The following LHFPL5 variants were observed in gnomAD, a reference collection of about 807,000 sequenced individuals.
The protein encoded by LHFPL5 is LHFPL tetraspan subfamily member 5 protein.
A neutral mutation model predicts 18.7 loss-of-function variants in LHFPL5; 12 were observed. That is an observed-to-expected ratio of 0.64 (90% confidence interval 0.41 to 1.04). LHFPL5 has a LOEUF of 1.04. LHFPL5 is among the 50% of genes least tolerant of loss of function. The probability of loss-of-function intolerance (pLI) is 0.00; values close to 1 mark genes in which losing one functional copy is unlikely to be tolerated. For missense variants in LHFPL5, 259 were observed against 292.1 expected (o/e 0.89, Z 0.83); for synonymous variants, 111 against 120.2 (o/e 0.92, Z 0.50).
intron 3 of LHFPL5, among the ~76,000 whole-genome samples, chr6:35,822,765 G>A (rs1219558450): frequency 6.6e-6 from 1 of 152,140 alleles, no homozygotes; most frequent in Non-Finnish European, 1.5e-5. Context: ...GGGATTACAG[G>A]TGTGAGCCCA....
intron 1 of LHFPL5, among the ~76,000 whole-genome samples, chr6:35,809,875 A>T (rs1266035248): frequency 1.3e-5 from 2 of 152,230 alleles, no homozygotes; most frequent in Non-Finnish European, 2.9e-5. Flanking sequence ...CGATACATGT[A>T]TACAAGCTGG....
At chr6:35,816,177 C>CAAA (rs60374883) in intron 2 of LHFPL5, among the ~76,000 whole-genome samples, 13 of 60,568 alleles carry the variant, frequency 2.1e-4, no homozygotes, top group South Asian at 5.4e-4. Context: ...GACTCCGTCT[C>CAAA]AAAAAAAAAA....
At chr6:35,813,216 C>T (rs1768697725) in intron 1 of LHFPL5, among the ~76,000 whole-genome samples, 1 of 151,386 alleles carries the variant, frequency 6.6e-6, no homozygotes, top group Admixed American at 6.6e-5. Flanking sequence ...ATTATTGAAC[C>T]CAACCATGAC....
chr6:35,812,863 T>C (rs748542991), intron 1 of LHFPL5, among the ~76,000 whole-genome samples: 6 of 152,132 alleles, frequency 3.9e-5, no homozygotes, highest in Non-Finnish European at 7.4e-5. Context: ...AAGACCAACC[T>C]GGCCAACGTG....
chr6:35,819,685 T>G, intron 3 of LHFPL5: 1 of 566,064 alleles, frequency 1.8e-6, no homozygotes, highest in Non-Finnish European at 3.2e-6. Flanking sequence ...CCTGTGTCTT[T>G]TTTTTTTTTG....
intron 1 of LHFPL5, among the ~76,000 whole-genome samples, chr6:35,813,826 C>T (rs545814629): frequency 3.9e-5 from 4 of 101,988 alleles, no homozygotes; most frequent in Admixed American, 1.5e-4. Flanking sequence ...GACGGAGTTT[C>T]GCTCTTGTTG....
At chr6:35,821,777 G>A (rs116028967) in intron 3 of LHFPL5, among the ~76,000 whole-genome samples, 1,670 of 150,450 alleles carry the variant, frequency 0.011, 31 homozygotes, top group African/African-American at 0.038. Flanking sequence ...CACCGTGCTC[G>A]GCTCCCTTTT....
intron 1 of LHFPL5, among the ~76,000 whole-genome samples, chr6:35,807,694 A>G (rs777663135): frequency 6.6e-6 from 1 of 152,164 alleles, no homozygotes; most frequent in Non-Finnish European, 1.5e-5. Flanking sequence ...CCCCCCAACT[A>G]TAGATGAGGA....
At chr6:35,809,062 G>A (rs985922869) in intron 1 of LHFPL5, among the ~76,000 whole-genome samples, 1 of 152,114 alleles carries the variant, frequency 6.6e-6, no homozygotes, top group Non-Finnish European at 1.5e-5. Context: ...AAGAAGCCTG[G>A]GAACAGGGAG....
chr6:35,812,542 T>TG (rs1401212041), intron 1 of LHFPL5, among the ~76,000 whole-genome samples: 11 of 151,922 alleles, frequency 7.2e-5, no homozygotes, highest in Admixed American at 2.6e-4. Flanking sequence ...GGGGGGAAAG[T>TG]GGGGGCAACA....
Position 35,805,571 on chromosome 6 carries a change from C to T in LHFPL5, c.-100C>T, listed in dbSNP as rs1209500698. ...CTGGTGCCCTGACCTCAGCCTCCTC[C>T]CCAAACCCCGCTGGGGAGTGACCTG... On this transcript the variant is annotated 5_prime_UTR_variant, in exon 1 of 4. Coordinates refer to ENST00000360215, the MANE Select transcript of LHFPL5 (RefSeq NM_182548.4). This position sits in a 1 kb window ranked among gnomAD's most constrained non-coding sequence, Gnocchi z 4.3. The T allele has an allele frequency of 7.3e-7, 1 of 1,369,570 alleles. No homozygotes were observed. Among genetic ancestry groups the T allele is most frequent in the Non-Finnish European group, 1.0e-6 (1 of 975,250 alleles). The allele number at this position is 1,369,570 out of a possible 1,614,324, so 84.8% of individuals were successfully genotyped here.
chr6:35,806,939 A>G (rs1450368219), intron 1 of LHFPL5, among the ~76,000 whole-genome samples: 1 of 152,094 alleles, frequency 6.6e-6, no homozygotes, highest in African/African-American at 2.4e-5. Context: ...ATCCTCTCAC[A>G]TCAGCCTCCC....
In LHFPL5 at chr6:35,805,771, T is replaced by C; in HGVS notation, c.101T>C (p.Ile34Thr). 3 of 1,614,214 alleles carry C rather than the reference T, an allele frequency of 1.9e-6. No individual in the cohort carries two copies. Among genetic ancestry groups the C allele is most frequent in the Non-Finnish European group, 2.5e-6 (3 of 1,180,028 alleles). The change falls in exon 1 of 4, where the codon ATC becomes ACC. Residue 34 changes from isoleucine to threonine, a missense_variant. Transcript: ENST00000360215. The surrounding 1 kb of genome is among the most constrained non-coding windows in gnomAD (Gnocchi z 4.3). ...GGCGTGATGTGGGGTACCCTCACCA[T>C]CTGCTTCTCCGTACTGGTCATGGCC... ...AVGVMWGTLT[I>T]CFSVLVMALF...
chr6:35,821,470 TG>T (rs1768865590), intron 3 of LHFPL5, among the ~76,000 whole-genome samples: 2 of 140,942 alleles, frequency 1.4e-5, no homozygotes, highest in African/African-American at 5.3e-5. Context: ...TGTGTGTGTG[TG>T]TGTGTGTGTG....
At chr6:35,818,917 C>T (rs1008934950) in intron 2 of LHFPL5, among the ~76,000 whole-genome samples, 2 of 152,028 alleles carry the variant, frequency 1.3e-5, no homozygotes, top group African/African-American at 2.4e-5. Flanking sequence ...CTGCAACCTC[C>T]GCCTCTCATT....
chr6:35,806,659 A>T (rs1768573670), intron 1 of LHFPL5, among the ~76,000 whole-genome samples: 2 of 152,094 alleles, frequency 1.3e-5, no homozygotes, highest in Non-Finnish European at 2.9e-5. Context: ...TGTTACTATT[A>T]TGCAGGGTAT....
At chr6:35,807,163 G>A (rs1768583946) in intron 1 of LHFPL5, among the ~76,000 whole-genome samples, 1 of 152,032 alleles carries the variant, frequency 6.6e-6, no homozygotes, top group Admixed American at 6.6e-5. Flanking sequence ...GCTGGGCACA[G>A]CGGCTCACAC....
Position 35,814,489 on chromosome 6 carries a change from G to A in LHFPL5, c.413-57G>A. On this transcript the variant is annotated intron_variant, in intron 1 of 3. Transcript: ENST00000360215. This position sits in a 1 kb window ranked among gnomAD's most constrained non-coding sequence, Gnocchi z 4.2. ...CATAACAGCAGTGCAAGGTGTGGGA[G>A]GTAGCGGGCTAGGCACACTCGGCCT... The A allele has an allele frequency of 4.6e-6, 6 of 1,296,962 alleles. No homozygotes were observed. Among genetic ancestry groups the A allele is most frequent in the Middle Eastern group, 2.0e-4 (1 of 5,112 alleles). The allele number at this position is 1,296,962 out of a possible 1,614,324, so 80.3% of individuals were successfully genotyped here.
At chr6:35,813,097 C>T (rs1398012204) in intron 1 of LHFPL5, among the ~76,000 whole-genome samples, 1 of 152,086 alleles carries the variant, frequency 6.6e-6, no homozygotes, top group Non-Finnish European at 1.5e-5. Flanking sequence ...CTCTGAGTCA[C>T]ATAGCTAGGT....
Sources: gnomAD v4.1 joint callset for allele counts (sites outside exome capture counted in the v4.1 genomes callset) on GRCh38, gnomAD v4.1.1 for gene constraint, Gnocchi (gnomAD v3.1) non-coding constraint, MANE v1.5 for transcripts, NCBI Gene and HGNC (gene_info 2026-07-23, HGNC 2026-07-21) for gene names.